Variants in CELF2 observed in about 807,000 individuals in gnomAD.
CELF2 encodes CUG triplet repeat RNA-binding protein 2.
Under a neutral mutation model 62.6 loss-of-function variants are expected in CELF2, and 8 were observed. The observed-to-expected ratio is 0.13, with a 90% CI of 0.07 to 0.23. The LOEUF is 0.23. CELF2 is among the 10% of genes least tolerant of loss of function. The pLI is 1.00. For missense variants in CELF2, 333 were observed against 671.0 expected (o/e 0.50, Z 5.56); for synonymous variants, 258 against 250.0 (o/e 1.03, Z -0.30).
the CELF2 span, among the ~76,000 whole-genome samples, chr10:10,511,916 G>T: frequency 6.6e-6 from 1 of 152,020 alleles, no homozygotes; most frequent in Admixed American, 6.6e-5. Context: ...AAAATATTTT[G>T]AAATGCAAAC....
the CELF2 span, among the ~76,000 whole-genome samples, chr10:10,518,226 T>C: frequency 0.45 from 68,353 of 152,074 alleles, 16,273 homozygotes; most frequent in African/African-American, 0.57. Context: ...CTTTGTTTAT[T>C]TCCCTAATGT....
At chr10:11,021,663 A>G (rs905911828) in intron 1 of CELF2, among the ~76,000 whole-genome samples, 2 of 152,210 alleles carry the variant, frequency 1.3e-5, no homozygotes, top group African/African-American at 4.8e-5. Context: ...CACATTTTAC[A>G]GATGATGCTT....
At position 11,305,170 on chromosome 10, in the gene CELF2, G is replaced by A. The variant is rs76698908; in HGVS notation, c.977-8969G>A. Among the ~76,000 whole-genome samples the A allele has an allele frequency of 5.3e-5, 8 of 152,310 alleles. No homozygotes were observed. In the East Asian group the frequency reaches 1.5e-3, roughly 29 times the overall value. Reference sequence around the variant, plus strand: ...CAAGGCTGGTGAGGGGCTAGGGGGAGGTGGTCCAGGTTATCCACATAGCAG... The same window carrying A: ...CAAGGCTGGTGAGGGGCTAGGGGGAAGTGGTCCAGGTTATCCACATAGCAG... On this transcript the variant is annotated intron_variant, in intron 9 of 12. Coordinates refer to ENST00000633077, the MANE Select transcript of CELF2 (RefSeq NM_001326342.2). The surrounding 1 kb of genome is among the most constrained non-coding windows in gnomAD (Gnocchi z 4.8).
the CELF2 span, among the ~76,000 whole-genome samples, chr10:10,639,166 A>G: frequency 5.9e-5 from 9 of 152,248 alleles, no homozygotes; most frequent in African/African-American, 1.7e-4. Context: ...ATTGTTCTGC[A>G]TTGTGTGATT....
intron 1 of CELF2, among the ~76,000 whole-genome samples, chr10:11,028,898 G>C (rs2059683697): frequency 6.6e-6 from 1 of 150,876 alleles, no homozygotes; most frequent in Non-Finnish European, 1.5e-5. Flanking sequence ...ACTTTTAATA[G>C]AGATGGGGTT....
intron 1 of CELF2, among the ~76,000 whole-genome samples, chr10:10,874,091 C>T (rs747582889): frequency 3.7e-4 from 57 of 152,126 alleles, no homozygotes; most frequent in Non-Finnish European, 2.1e-4. Flanking sequence ...CAGCCAGGCT[C>T]GCTTGAGCCC....
intron 2 of CELF2, among the ~76,000 whole-genome samples, chr10:10,968,614 G>A (rs1043477433): frequency 6.6e-6 from 1 of 152,030 alleles, no homozygotes; most frequent in South Asian, 2.1e-4. Flanking sequence ...TTCCAGTAAG[G>A]ACATATGTGC....
chr10:10,868,060 A>G (rs2060496205), intron 1 of CELF2, among the ~76,000 whole-genome samples: 1 of 152,114 alleles, frequency 6.6e-6, no homozygotes, highest in African/African-American at 2.4e-5. Context: ...CCTTCCTCCT[A>G]TATCCAAAAG....
intron 2 of CELF2, among the ~76,000 whole-genome samples, chr10:11,172,953 A>G (rs2069455118): frequency 6.6e-6 from 1 of 152,190 alleles, no homozygotes; most frequent in South Asian, 2.1e-4. Flanking sequence ...AAGAAAACCC[A>G]GGGTTTCTAG....
chr10:11,099,040 G>T, intron 1 of CELF2, among the ~76,000 whole-genome samples: 1 of 152,154 alleles, frequency 6.6e-6, no homozygotes, highest in Admixed American at 6.5e-5. Context: ...AATTAGGACC[G>T]TCGTCCTGGG....
chr10:10,493,070 G>A, the CELF2 span, among the ~76,000 whole-genome samples: 3 of 152,134 alleles, frequency 2.0e-5, no homozygotes, highest in African/African-American at 7.2e-5. Flanking sequence ...TTTATTAGCA[G>A]CATGAGAACA....
At chr10:11,303,381 T>G (rs2093944582) in intron 9 of CELF2, among the ~76,000 whole-genome samples, 1 of 152,176 alleles carries the variant, frequency 6.6e-6, no homozygotes, top group African/African-American at 2.4e-5. Context: ...GGCTGCAAAA[T>G]TAGTCATCCA....
the CELF2 span, among the ~76,000 whole-genome samples, chr10:10,675,038 AT>A: frequency 3.3e-5 from 5 of 152,212 alleles, no homozygotes; most frequent in African/African-American, 4.8e-5. Flanking sequence ...AGATAAAAAA[AT>A]AAGAATAAAT....
the CELF2 span, among the ~76,000 whole-genome samples, chr10:10,618,458 G>C: frequency 1.3e-5 from 2 of 151,978 alleles, no homozygotes; most frequent in Non-Finnish European, 2.9e-5. Context: ...CTTTTCTTTA[G>C]AGCATCAAAG....
chr10:10,830,939 A>T (rs940679124), intron 1 of CELF2, among the ~76,000 whole-genome samples: 1 of 152,190 alleles, frequency 6.6e-6, no homozygotes, highest in Non-Finnish European at 1.5e-5. Context: ...AGATGACACC[A>T]TATCAAATTC....
At chr10:10,906,047 G>C (rs893298608) in intron 1 of CELF2, among the ~76,000 whole-genome samples, 1 of 151,962 alleles carries the variant, frequency 6.6e-6, no homozygotes, top group East Asian at 1.9e-4. Flanking sequence ...CTCCAGCCTG[G>C]GCGATAGAGC....
chr10:10,667,839 G>GCCTCTC, the CELF2 span, among the ~76,000 whole-genome samples: 2 of 152,204 alleles, frequency 1.3e-5, no homozygotes, highest in East Asian at 3.8e-4. Flanking sequence ...ATTATCCTGA[G>GCCTCTC]CCTCTCAGAA....
chr10:10,808,803 G>C (rs2055522793), intron 1 of CELF2, among the ~76,000 whole-genome samples: 1 of 152,046 alleles, frequency 6.6e-6, no homozygotes, highest in Non-Finnish European at 1.5e-5. Flanking sequence ...AAAAAGTAGA[G>C]AAAAACCTTC....
At chr10:10,644,812 C>G in the CELF2 span, among the ~76,000 whole-genome samples, 3 of 152,174 alleles carry the variant, frequency 2.0e-5, no homozygotes, top group African/African-American at 7.2e-5. Flanking sequence ...CACTTTGGAG[C>G]AGTTCACAGT....
Sources: gnomAD v4.1 joint callset for allele counts (sites outside exome capture counted in the v4.1 genomes callset) on GRCh38, gnomAD v4.1.1 for gene constraint, Gnocchi (gnomAD v3.1) non-coding constraint, MANE v1.5 for transcripts, NCBI Gene and HGNC (gene_info 2026-07-23, HGNC 2026-07-21) for gene names.